The following IKBKB variants were observed in gnomAD, a reference collection of about 807,000 sequenced individuals.
IKBKB encodes inhibitor of nuclear factor kappa-B kinase subunit beta.
A neutral mutation model predicts 113.6 loss-of-function variants in IKBKB; 42 were observed. The observed-to-expected ratio is 0.37, with a 90% CI of 0.29 to 0.48. The LOEUF is 0.48. IKBKB is among the 20% of genes least tolerant of loss of function. The pLI is 0.99. For synonymous variants in IKBKB, 296 were observed against 361.3 expected (o/e 0.82, Z 2.05); for missense variants, 673 against 939.7 (o/e 0.72, Z 3.71).
At chr8:42,318,812 C>T (rs530879731) in intron 13 of IKBKB, 137 bp downstream of exon 13, 16 of 857,394 alleles carry the variant, frequency 1.9e-5, no homozygotes, top group South Asian at 7.5e-5. Context: ...TTTGGATGGA[C>T]GGGAAGCGGT....
chr8:42,323,639 A>G (rs1428298928), intron 19 of IKBKB, among the ~76,000 whole-genome samples: 1 of 152,152 alleles, frequency 6.6e-6, no homozygotes, highest in Non-Finnish European at 1.5e-5. Flanking sequence ...CTCATTGTCA[A>G]AGGCAGAGGG....
At chr8:42,324,113 A>T (rs1204586823) in intron 19 of IKBKB, among the ~76,000 whole-genome samples, 2 of 152,290 alleles carry the variant, frequency 1.3e-5, no homozygotes, top group African/African-American at 4.8e-5. Flanking sequence ...AAGAGTGAGG[A>T]TGTTCCAGGA....
In IKBKB at chr8:42,330,931, G is replaced by T. The variant is rs1418903415; in HGVS notation, c.2223G>T (p.Trp741Cys). ...ACTTTCAGGCCCTAGACTGGAGCTGGTTACAGACGGAAGAAGAAGAGCACA... is the reference window on the plus strand; with the variant it reads ...ACTTTCAGGCCCTAGACTGGAGCTGTTTACAGACGGAAGAAGAAGAGCACA... ...DQSFTALDWS[W>C]LQTEEEEHSC... The change falls in exon 22 of 22, where the codon TGG (tryptophan) becomes TGT (cysteine). Residue 741 changes from tryptophan to cysteine, a missense_variant. By Grantham distance (215) the Trp-to-Cys change is radical (BLOSUM62 -2). Transcript: ENST00000520810. 2.5e-6 allele frequency: 4 copies of T among 1,614,104 alleles called. No homozygotes were observed. The highest frequency in any genetic ancestry group is 3.4e-6 in the Non-Finnish European group (4 of 1,180,058).
chr8:42,314,500 C>T (rs961515918), intron 9 of IKBKB, 71 bp downstream of exon 9: 22 of 969,288 alleles, frequency 2.3e-5, no homozygotes, highest in African/African-American at 3.2e-5. Flanking sequence ...CTTGGCTGGC[C>T]GTGGTGGCTC....
At chr8:42,294,952 G>A (rs553134920) in intron 5 of IKBKB, among the ~76,000 whole-genome samples, 1 of 152,138 alleles carries the variant, frequency 6.6e-6, no homozygotes, top group Non-Finnish European at 1.5e-5. Context: ...CAGGTTAGCA[G>A]GTTGGGGAGT....
At position 42,314,385 on chromosome 8, in the gene IKBKB, G is replaced by A. The variant is rs368833186; in HGVS notation, c.756G>A (p.Thr252=). The change falls in exon 9 of 22, where the codon ACG becomes ACA. Residue 252 remains threonine, a synonymous_variant. Coordinates refer to ENST00000520810, the MANE Select transcript of IKBKB (RefSeq NM_001556.3). ...TTGTTAGCGAAGACTTGAATGGAAC[G>A]GTGAAGTTTTCAAGCTCTTTACCCT... The part of the protein sequence containing the change: ...DIVVSEDLNG[T]VKFSSSLPYP... The A allele has an allele frequency of 5.8e-5, 94 of 1,613,656 alleles. No individual in the cohort carries two copies. The highest frequency in any genetic ancestry group is 6.7e-5 in the Non-Finnish European group (79 of 1,179,678).
intron 2 of IKBKB, among the ~76,000 whole-genome samples, chr8:42,287,755 A>C (rs1811708362): frequency 2.0e-5 from 3 of 152,208 alleles, no homozygotes; most frequent in Non-Finnish European, 2.9e-5. Context: ...TCACACAGCT[A>C]GTAAATGGCA....
intron 1 of IKBKB, 190 bp downstream of exon 1, chr8:42,271,659 G>A (rs1396005931): frequency 1.9e-6 from 1 of 538,898 alleles, no homozygotes; most frequent in African/African-American, 2.0e-5. Context: ...CTTCTTGGGG[G>A]TGGGTGGCTT....
chr8:42,309,477 G>A (rs570535804), intron 8 of IKBKB: 25 of 415,662 alleles, frequency 6.0e-5, no homozygotes, highest in South Asian at 1.0e-4. Context: ...GAATGTGGCC[G>A]GGTACAGTGG....
chr8:42,282,065 T>A (rs767386580), intron 2 of IKBKB, among the ~76,000 whole-genome samples: 7 of 152,260 alleles, frequency 4.6e-5, no homozygotes, highest in Non-Finnish European at 1.0e-4. Flanking sequence ...TATGTTTACA[T>A]GCATCAAAGG....
intron 21 of IKBKB, 142 bp downstream of exon 21, chr8:42,329,356 T>C: frequency 7.9e-7 from 1 of 1,271,832 alleles, no homozygotes; most frequent in Non-Finnish European, 1.0e-6. Context: ...AGGGTCTCTC[T>C]CTCTCACCCA....
At chr8:42,293,920 C>T (rs1813179427) in intron 5 of IKBKB, among the ~76,000 whole-genome samples, 1 of 152,222 alleles carries the variant, frequency 6.6e-6, no homozygotes, top group Admixed American at 6.5e-5. Context: ...GTAGGAAAAA[C>T]TGTCCTTTTT....
intron 5 of IKBKB, among the ~76,000 whole-genome samples, chr8:42,302,536 A>G (rs577270183): frequency 2.0e-4 from 30 of 152,310 alleles, no homozygotes; most frequent in African/African-American, 7.2e-4. Flanking sequence ...AGGGCTGTAA[A>G]ATCTGAAGGT....
In IKBKB at chr8:42,331,103, G is replaced by A. The variant is rs181422855; in HGVS notation, c.*124G>A. On this transcript the variant is annotated 3_prime_UTR_variant, in exon 22 of 22. Transcript: ENST00000520810. ...GCGTGACGTGGGGCTGCCTGGCCGC[G>A]GCTCTCACATGGTGGTTCCTGCTGC... 6.1e-4 allele frequency: 883 copies of A among 1,449,078 alleles called. 3 individuals are homozygous for A. In the African/African-American group the frequency reaches 0.01, roughly 17 times the overall value. 89.8% of individuals were successfully genotyped at this position (1,449,078 alleles called of 1,614,324 possible).
chr8:42,283,349 C>G (rs2130194207), intron 2 of IKBKB, among the ~76,000 whole-genome samples: 1 of 152,252 alleles, frequency 6.6e-6, no homozygotes, highest in South Asian at 2.1e-4. Flanking sequence ...GAACCTATGA[C>G]TGGGTGGGGC....
chr8:42,277,653 A>G (rs1396136531), intron 2 of IKBKB, among the ~76,000 whole-genome samples: 3 of 152,056 alleles, frequency 2.0e-5, no homozygotes, highest in African/African-American at 4.8e-5. Context: ...ACATTCCTCC[A>G]GGACCAACTC....
intron 8 of IKBKB, chr8:42,309,580 C>A (rs1263660191): frequency 6.9e-6 from 2 of 289,470 alleles, no homozygotes; most frequent in African/African-American, 4.5e-5. Context: ...CATGGCAAAA[C>A]CCTGTCTCTA....
chr8:42,294,404 G>A (rs888262517), intron 5 of IKBKB, among the ~76,000 whole-genome samples: 2 of 152,040 alleles, frequency 1.3e-5, no homozygotes, highest in Non-Finnish European at 2.9e-5. Flanking sequence ...CTCACATACC[G>A]TTCCCCTCGG....
At chr8:42,293,649 G>C in intron 5 of IKBKB, 137 bp downstream of exon 5, 1 of 1,458,300 alleles carries the variant, frequency 6.9e-7, no homozygotes, top group Non-Finnish European at 9.3e-7. Context: ...CAGGGACGGG[G>C]GACCCTGGTG....
Sources: gnomAD v4.1 joint callset for allele counts (sites outside exome capture counted in the v4.1 genomes callset) on GRCh38, gnomAD v4.1.1 for gene constraint, MANE v1.5 for transcripts, NCBI Gene and HGNC (gene_info 2026-07-23, HGNC 2026-07-21) for gene names.